RSL24D1: variants seen among roughly 807,000 people sequenced by gnomAD.
RSL24D1 encodes the protein ribosomal L24 domain containing 1.
In RSL24D1, 6 loss-of-function variants were observed where a neutral mutation model predicts 26.2. That is an observed-to-expected ratio of 0.23 (90% CI 0.13 to 0.45). The LOEUF is 0.45. Among genes scored for constraint, RSL24D1 ranks in the 20% least tolerant of loss-of-function variants. RSL24D1 has a pLI of 0.99. For missense variants in RSL24D1, 176 were observed against 202.6 expected, an observed-to-expected ratio of 0.87 and a Z score of 0.80; for synonymous variants, 61 against 59.1, an observed-to-expected ratio of 1.03 and a Z score of -0.15.
chr15:55,194,743 T>C (rs963467715), intron 1 of RSL24D1, among the ~76,000 whole-genome samples: 16 of 151,046 alleles, frequency 1.1e-4, no homozygotes, highest in Non-Finnish European at 2.1e-4. Flanking sequence ...TCTCAGAAAC[T>C]AAGAGAATAA....
intron 1 of RSL24D1, among the ~76,000 whole-genome samples, chr15:55,193,075 A>C (rs1894316629): frequency 6.6e-6 from 1 of 152,204 alleles, no homozygotes; most frequent in Non-Finnish European, 1.5e-5. Flanking sequence ...ATAACAGTAA[A>C]ATTATTTCAA....
chr15:55,185,550 A>G (rs942504915), intron 3 of RSL24D1, 125 bp from the exon 4 acceptor site: 1 of 682,896 alleles, frequency 1.5e-6, no homozygotes, highest in Admixed American at 3.4e-5. Context: ...AAATCATTAC[A>G]AAAACAATCC....
intron 1 of RSL24D1, 167 bp downstream of exon 1, chr15:55,196,643 C>G: frequency 1.6e-6 from 1 of 641,676 alleles, no homozygotes; most frequent in South Asian, 1.9e-5. Context: ...GAGAAACCCC[C>G]GAAGCGGAAC....
chr15:55,183,075 A>T (rs2140588762), intron 5 of RSL24D1, among the ~76,000 whole-genome samples: 1 of 152,318 alleles, frequency 6.6e-6, no homozygotes, highest in South Asian at 2.1e-4. Flanking sequence ...ATTATTACGC[A>T]AATCATTTTG....
At chr15:55,184,039 T>G (rs1346254145) in intron 4 of RSL24D1, among the ~76,000 whole-genome samples, 1 of 152,222 alleles carries the variant, frequency 6.6e-6, no homozygotes, top group Non-Finnish European at 1.5e-5. Context: ...ACAAATCACA[T>G]GATATTCAAT....
chr15:55,187,875 T>G (rs1176730418), intron 3 of RSL24D1, among the ~76,000 whole-genome samples: 1 of 151,892 alleles, frequency 6.6e-6, no homozygotes, highest in African/African-American at 2.4e-5. Context: ...AAACCACTTG[T>G]ACCCCAAAAG....
At chr15:55,192,895 A>AC in intron 1 of RSL24D1, 62 bp from the exon 2 acceptor site, 3 of 1,047,810 alleles carry the variant, frequency 2.9e-6, no homozygotes, top group Non-Finnish European at 4.4e-6. Flanking sequence ...ACAAGACGTT[A>AC]CCCCTGCTAG....
chr15:55,186,585 T>C (rs1172102264), intron 3 of RSL24D1, among the ~76,000 whole-genome samples: 1 of 152,172 alleles, frequency 6.6e-6, no homozygotes, highest in African/African-American at 2.4e-5. Context: ...TGGCCCATAT[T>C]GTTCTAAACT....
Position 55,196,811 on chromosome 15 carries a change from T to C in RSL24D1, c.80A>G (p.Lys27Arg), listed in dbSNP as rs1894364424. 2 of 1,614,134 alleles carry C rather than the reference T, an allele frequency of 1.2e-6. No homozygotes were observed. The highest frequency in any genetic ancestry group is 1.7e-6 in the Non-Finnish European group (2 of 1,180,010). ...HGMMFVRNDC[K>R]VFRFCKSKCH... Reference sequence around the variant, plus strand: ...AAGAACTGGTGTCGACCGCCTTACCTTGCAATCGTTGCGGACGAACATCAT... The same window carrying C: ...AAGAACTGGTGTCGACCGCCTTACCCTGCAATCGTTGCGGACGAACATCAT... The change falls in exon 1 of 6, where the codon AAG becomes AGG. Residue 27 changes from lysine to arginine, a missense_variant and splice_region_variant. Physicochemically the swap from Lys to Arg is conservative, Grantham distance 26 (BLOSUM62 2). Around this residue, in one of 3 missense-constraint regions of RSL24D1, gnomAD observed 89 missense variants for 135.1 expected, o/e 0.66. Transcript: ENST00000260443.
At chr15:55,182,854 A>G (rs547846575) in intron 5 of RSL24D1, among the ~76,000 whole-genome samples, 16 of 152,302 alleles carry the variant, frequency 1.1e-4, no homozygotes, top group African/African-American at 3.8e-4. Context: ...TACTGGTGTT[A>G]GCTGAGCAAA....
intron 3 of RSL24D1, among the ~76,000 whole-genome samples, chr15:55,189,917 C>T (rs1894274010): frequency 6.6e-6 from 1 of 152,168 alleles, no homozygotes; most frequent in Non-Finnish European, 1.5e-5. Context: ...CTAGAAATAG[C>T]TACAGGCTGC....
chr15:55,192,643 G>T, intron 2 of RSL24D1, 77 bp downstream of exon 2: 2 of 984,150 alleles, frequency 2.0e-6, no homozygotes, highest in Non-Finnish European at 3.2e-6. Flanking sequence ...TGTTATGATT[G>T]ATTAGATGAC....
At chr15:55,187,562 C>A (rs1487396229) in intron 3 of RSL24D1, among the ~76,000 whole-genome samples, 1 of 151,846 alleles carries the variant, frequency 6.6e-6, no homozygotes, top group Non-Finnish European at 1.5e-5. Context: ...TAGTTCTCAC[C>A]CAAAAAAAGG....
chr15:55,185,501 T>C, intron 3 of RSL24D1, 76 bp from the exon 4 acceptor site: 1 of 922,802 alleles, frequency 1.1e-6, no homozygotes, highest in East Asian at 2.7e-5. Context: ...AACAAACACT[T>C]CTTTATTATT....
intron 1 of RSL24D1, among the ~76,000 whole-genome samples, chr15:55,195,047 G>T (rs975422177): frequency 7.2e-5 from 10 of 139,114 alleles, no homozygotes; most frequent in Admixed American, 2.1e-4. Context: ...AAAAAAAAAG[G>T]CTAGATAAGA....
At chr15:55,184,726 C>G (rs1398104468) in intron 4 of RSL24D1, among the ~76,000 whole-genome samples, 1 of 152,194 alleles carries the variant, frequency 6.6e-6, no homozygotes. Flanking sequence ...ATCAAGTGAT[C>G]AAAGTTAACA....
At chr15:55,187,276 T>C (rs1215687084) in intron 3 of RSL24D1, among the ~76,000 whole-genome samples, 5 of 152,222 alleles carry the variant, frequency 3.3e-5, no homozygotes, top group Non-Finnish European at 5.9e-5. Flanking sequence ...ATATAACTTT[T>C]TTTCTTTGTC....
intron 4 of RSL24D1, 115 bp downstream of exon 4, chr15:55,185,246 GT>G: frequency 1.6e-6 from 1 of 607,678 alleles, no homozygotes; most frequent in Non-Finnish European, 2.8e-6. Flanking sequence ...ATTCCTTGAA[GT>G]TTTTGGTAAG....
rs745786077 is a variant in RSL24D1 at position 55,196,900 on chromosome 15, G to C, written c.-10C>G. 9 of 1,613,626 alleles carry C rather than the reference G, an allele frequency of 5.6e-6. No homozygotes were observed. The East Asian group carries it at 1.1e-4, about 20-fold the overall frequency. The stretch of plus-strand genomic sequence containing the variant: ...ACTTTTCGATACGCATGTTGAACCC[G>C]CGTGTAACCCCACCAAACAAACGCC... On this transcript the variant is annotated 5_prime_UTR_variant, in exon 1 of 6. Coordinates refer to ENST00000260443, the MANE Select transcript of RSL24D1 (RefSeq NM_016304.3).
Sources: gnomAD v4.1 joint callset for allele counts (sites outside exome capture counted in the v4.1 genomes callset) on GRCh38, gnomAD v4.1.1 for gene constraint, gnomAD v4.1.1 regional missense constraint, MANE v1.5 for transcripts, NCBI Gene and HGNC (gene_info 2026-07-23, HGNC 2026-07-21) for gene names.